Variants in NRIP3 observed in about 807,000 individuals in gnomAD.
NRIP3 encodes the protein nuclear receptor-interacting protein 3.
NRIP3 carries 31 observed loss-of-function variants against 29.0 expected under a neutral mutation model. The ratio of observed to expected loss-of-function variants is 1.07; its 90% CI spans 0.80 to 1.44. The LOEUF (loss-of-function observed/expected upper bound fraction) is 1.44, where lower values mean the gene tolerates loss of function less well. NRIP3 is among the 40% of genes most tolerant of loss of function. The pLI is 0.00. For missense variants in NRIP3, 314 were observed against 297.9 expected (o/e 1.05, Z -0.40); for synonymous variants, 131 against 118.3 (o/e 1.11, Z -0.70).
intron 1 of NRIP3, among the ~76,000 whole-genome samples, chr11:8,997,371 A>G (rs1036557989): frequency 6.7e-6 from 1 of 150,318 alleles, no homozygotes; most frequent in Non-Finnish European, 1.5e-5. Context: ...AAAAAAAAAA[A>G]AAAAAAAGAA....
At chr11:8,985,371 G>C (rs972257738) in intron 4 of NRIP3, among the ~76,000 whole-genome samples, 1 of 150,794 alleles carries the variant, frequency 6.6e-6, no homozygotes, top group African/African-American at 2.4e-5. Context: ...GGGTTTCACC[G>C]TGTTAGCTAG....
rs892035894 is a variant in NRIP3 at position 8,984,255 on chromosome 11, T to A, written c.563-131A>T. ...AACATATATTGAGCATGTGTTATTT[T>A]TTTTTTATTTTTTTTTTATTTTTTG... On this transcript the variant is annotated intron_variant, in intron 4 of 6. Transcript: ENST00000309166. 57 of 373,134 alleles carry A rather than the reference T, an allele frequency of 1.5e-4. 1 individual carries two copies. Among genetic ancestry groups the A allele is most frequent in the South Asian group, 4.7e-4 (11 of 23,534 alleles). 23.1% of individuals were successfully genotyped at this position (373,134 alleles called of 1,614,324 possible).
At chr11:8,992,345 T>G (rs1854620282) in intron 1 of NRIP3, among the ~76,000 whole-genome samples, 1 of 152,142 alleles carries the variant, frequency 6.6e-6, no homozygotes, top group Non-Finnish European at 1.5e-5. Flanking sequence ...CGAGAACAGC[T>G]GAAGGGTAGT....
rs529310805 is a variant in NRIP3, at chr11:8,982,913, T to C, written c.*632A>G. The C allele has an allele frequency of 2.2e-6, 1 of 455,490 alleles. No individual in the cohort carries two copies. The allele number at this position is 455,490 out of a possible 1,614,324, so 28.2% of individuals were successfully genotyped here. ...TACAAATGAGGCAGCATGGGAGTCT[T>C]GGCTTGGAAATCAGGTCTGCGTTCT... On this transcript the variant is annotated 3_prime_UTR_variant, in exon 7 of 7. Transcript: ENST00000309166.
In NRIP3 at chr11:8,983,903, CA is replaced by C; in HGVS notation, c.681del (p.Phe227LeufsTer7). ...MGKTDKEEIP[F>X]VETVSLNEDN... is the part of the protein sequence containing the mutation. ...TCTTCATTCAAAGAGACTGTCTCCA[CA>C]AAAGGGATTTCTTCCTTGTCTGTCT... On this transcript the variant is annotated frameshift_variant, in exon 6 of 7. Transcript: ENST00000309166. LOFTEE classifies it high-confidence loss of function. The C allele has an allele frequency of 6.2e-7, 1 of 1,614,170 alleles. No individual in the cohort carries two copies. Among genetic ancestry groups the C allele is most frequent in the Non-Finnish European group, 8.5e-7 (1 of 1,180,018 alleles).
chr11:8,985,967 A>G, intron 3 of NRIP3, 117 bp from the exon 4 acceptor site: 1 of 1,229,094 alleles, frequency 8.1e-7, no homozygotes, highest in Non-Finnish European at 1.2e-6. Context: ...GGATTAATCT[A>G]CCGAAAAGTG....
At chr11:9,003,547 G>A (rs1854848296) in intron 1 of NRIP3, among the ~76,000 whole-genome samples, 1 of 152,254 alleles carries the variant, frequency 6.6e-6, no homozygotes, top group Non-Finnish European at 1.5e-5. Context: ...AGGAGGCACA[G>A]CCGAGGGGAG....
At position 8,985,730 on chromosome 11, in the gene NRIP3, G is replaced by A; in HGVS notation, c.543C>T (p.Asp181=). 1 of 1,614,056 alleles carries A rather than the reference G, an allele frequency of 6.2e-7. No individual in the cohort carries two copies. The highest frequency in any genetic ancestry group is 8.5e-7 in the Non-Finnish European group (1 of 1,180,030). Residue 181 remains aspartate (D), a synonymous_variant, in exon 4 of 7, where the codon GAC becomes GAT. Coordinates refer to ENST00000309166, the MANE Select transcript of NRIP3 (RefSeq NM_020645.3). ...GCTTACCAACCACAGCTGCTGGGCA[G>A]TCCAGGCGGAGGGAGCCCAGTGTGA... is the stretch of plus-strand genomic sequence containing the variant. ...LVITLGSLRL[D]CPAAVVDDNE... is the part of the protein sequence containing the mutation.
intron 3 of NRIP3, among the ~76,000 whole-genome samples, chr11:8,986,591 G>A (rs1566136188): frequency 6.6e-6 from 1 of 152,148 alleles, no homozygotes; most frequent in Non-Finnish European, 1.5e-5. Context: ...CCATCCAAAA[G>A]AAAAATAATT....
rs756384823 is a variant in NRIP3 at position 8,987,552 on chromosome 11, A to G, written c.418T>C (p.Leu140=). The G allele has an allele frequency of 3.7e-6, 6 of 1,612,698 alleles. No individual in the cohort carries two copies. The African/African-American group carries it at 5.3e-5, about 14-fold the overall frequency. ...TCAGCACAAGTGCCTACTTACCCCA[A>G]TCTGTCCACACAGGCCAAAGAGATG... The part of the protein sequence containing the change: ...NLISLACVDR[L]GLKEHVKSHK... The change falls in exon 3 of 7, where the codon TTG becomes CTG. Residue 140 remains leucine (L), a synonymous_variant. Transcript: ENST00000309166.
intron 1 of NRIP3, among the ~76,000 whole-genome samples, chr11:8,997,158 C>T (rs1171819459): frequency 7.9e-5 from 12 of 151,912 alleles, no homozygotes; most frequent in South Asian, 6.2e-4. Context: ...AGGTGGAGCA[C>T]GAAGTCAGGA....
chr11:8,995,547 TCC>T (rs1186266135), intron 1 of NRIP3, among the ~76,000 whole-genome samples: 2 of 152,188 alleles, frequency 1.3e-5, no homozygotes, highest in Non-Finnish European at 2.9e-5. Flanking sequence ...GATCTGCTTC[TCC>T]CCATCTTTAC....
At chr11:8,995,596 T>G (rs1854687421) in intron 1 of NRIP3, among the ~76,000 whole-genome samples, 1 of 152,250 alleles carries the variant, frequency 6.6e-6, no homozygotes, top group Non-Finnish European at 1.5e-5. Flanking sequence ...TAATTTCTTA[T>G]CTGTACTGTC....
At position 8,983,977 on chromosome 11, in the gene NRIP3, C is replaced by G; in HGVS notation, c.616-8G>C. 6.2e-7 allele frequency: 1 copy of G among 1,613,054 alleles called. No individual in the cohort carries two copies. Among genetic ancestry groups the G allele is most frequent in the Non-Finnish European group, 8.5e-7 (1 of 1,178,994 alleles). The stretch of plus-strand genomic sequence containing the variant: ...ATCCAAGTTTATGATGCACTGAAAA[C>G]AGGTAACTTGTCAGTGATACCACTA... On this transcript the variant is annotated splice_region_variant and splice_polypyrimidine_tract_variant and intron_variant, in intron 5 of 6. Transcript: ENST00000309166.
intron 1 of NRIP3, among the ~76,000 whole-genome samples, chr11:8,993,630 G>A (rs569315741): frequency 6.6e-6 from 1 of 152,130 alleles, no homozygotes; most frequent in African/African-American, 2.4e-5. Context: ...GCAACATGGT[G>A]AAATTCTGCC....
At position 8,983,302 on chromosome 11, in the gene NRIP3, C is replaced by CA; in HGVS notation, c.*242dup. 3.5e-6 allele frequency: 2 copies of CA among 565,130 alleles called. No individual in the cohort carries two copies. Among genetic ancestry groups the CA allele is most frequent in the Non-Finnish European group, 3.2e-6 (1 of 317,304 alleles). 35.0% of individuals were successfully genotyped at this position (565,130 alleles called of 1,614,324 possible). A position where few individuals can be genotyped will look rare whatever the true frequency, so the allele number is the denominator to read the frequency against. On this transcript the variant is annotated 3_prime_UTR_variant, in exon 7 of 7. Transcript: ENST00000309166. ...AGGCCACAAGTGAGACTGGCAGTGTCAAAAAAGGTCTATAAGTTAAGTGAT... is the reference window on the plus strand; with the variant it reads ...AGGCCACAAGTGAGACTGGCAGTGTCAAAAAAAGGTCTATAAGTTAAGTGAT...
At chr11:8,984,426 C>G (rs1173394405) in intron 4 of NRIP3, among the ~76,000 whole-genome samples, 2 of 152,126 alleles carry the variant, frequency 1.3e-5, no homozygotes. Context: ...CCACGCTTGG[C>G]TAATTTGTGT....
rs1471816557 is a variant in NRIP3 at position 8,987,024 on chromosome 11, C to A, written c.422+524G>T. On this transcript the variant is annotated intron_variant, in intron 3 of 6. Transcript: ENST00000309166. ...CACAGTGAGGCTCCGCCACACAAAA[C>A]AAACAAAAGAAACTACTGGCTAATT... 2.0e-5 allele frequency among the ~76,000 whole-genome samples: 3 copies of A among 152,156 alleles called. No homozygotes were observed. In the East Asian group the frequency reaches 5.8e-4, roughly 29 times the overall value.
At chr11:8,988,063 G>T in intron 2 of NRIP3, 55 bp downstream of exon 2, 1 of 1,554,822 alleles carries the variant, frequency 6.4e-7, no homozygotes, top group Non-Finnish European at 8.8e-7. Context: ...AGGAGGAGAG[G>T]GCCCCACATC....
Sources: gnomAD v4.1 joint callset for allele counts (sites outside exome capture counted in the v4.1 genomes callset) on GRCh38, gnomAD v4.1.1 for gene constraint, MANE v1.5 for transcripts, NCBI Gene and HGNC (gene_info 2026-07-23, HGNC 2026-07-21) for gene names.